The following EPHA6 variants were observed in gnomAD, a reference collection of about 807,000 sequenced individuals.
The protein encoded by EPHA6 is ephrin type-A receptor 6.
EPHA6 carries 50 observed loss-of-function variants against 112.0 expected under a neutral mutation model. That is an observed-to-expected ratio of 0.45 (90% confidence interval 0.36 to 0.56). EPHA6 has a LOEUF of 0.56. Ranked by LOEUF, EPHA6 falls within the 20% of genes least tolerant of loss-of-function variation. The probability of loss-of-function intolerance (pLI) is 0.00; values close to 1 mark genes in which losing one functional copy is unlikely to be tolerated. For missense variants in EPHA6, 1,280 were observed against 1,417.4 expected, an observed-to-expected ratio of 0.90 and a Z score of 1.56; for synonymous variants, 529 against 490.7, an observed-to-expected ratio of 1.08 and a Z score of -1.03.
intron 2 of EPHA6, among the ~76,000 whole-genome samples, chr3:96,936,424 A>G (rs2040584547): frequency 6.6e-6 from 1 of 152,050 alleles, no homozygotes; most frequent in African/African-American, 2.4e-5. Flanking sequence ...TGAATCCATT[A>G]TAATGATAGA....
Position 97,754,762 on chromosome 3 carries a change from G to A in EPHA6, c.*6061G>A, listed in dbSNP as rs1030054885. ...TCTGTCGCCTAGGCTGGAGTGCAGT[G>A]GCGAGATCTCGGCTCACTGCTAACT... On this transcript the variant is annotated 3_prime_UTR_variant, in exon 18 of 18. Transcript: ENST00000389672. 7.2e-5 allele frequency among the ~76,000 whole-genome samples: 11 copies of A among 152,132 alleles called. No individual in the cohort carries two copies. Among genetic ancestry groups the A allele is most frequent in the African/African-American group, 2.7e-4 (11 of 41,420 alleles).
chr3:97,540,151 A>G (rs1321191850), intron 11 of EPHA6, among the ~76,000 whole-genome samples: 2 of 152,214 alleles, frequency 1.3e-5, no homozygotes, highest in Non-Finnish European at 2.9e-5. Context: ...CAAAAAATAA[A>G]TGGTGATTTA....
intron 4 of EPHA6, among the ~76,000 whole-genome samples, chr3:97,228,711 C>A (rs983132029): frequency 6.6e-6 from 1 of 152,036 alleles, no homozygotes; most frequent in Non-Finnish European, 1.5e-5. Context: ...ATAATGACAT[C>A]TTTTCCTCTG....
At position 97,330,943 on chromosome 3, in the gene EPHA6, A is replaced by G. The variant is rs192800724; in HGVS notation, c.1607-74207A>G. 3.3e-5 allele frequency among the ~76,000 whole-genome samples: 5 copies of G among 152,236 alleles called. No homozygotes were observed. The East Asian group carries it at 9.7e-4, about 29-fold the overall frequency. ...TCCACCCCAAATCAACAGAATATAC[A>G]TTCTTTTCAGCACCACACCACACCT... On this transcript the variant is annotated intron_variant, in intron 5 of 17. Coordinates refer to ENST00000389672, the MANE Select transcript of EPHA6 (RefSeq NM_001080448.3).
At chr3:96,990,608 A>G (rs2043179094) in intron 3 of EPHA6, among the ~76,000 whole-genome samples, 1 of 152,176 alleles carries the variant, frequency 6.6e-6, no homozygotes, top group Non-Finnish European at 1.5e-5. Context: ...TTCTAATTAA[A>G]TATAATGAAT....
intron 3 of EPHA6, among the ~76,000 whole-genome samples, chr3:97,018,807 G>C (rs1176032678): frequency 6.6e-6 from 1 of 152,084 alleles, no homozygotes; most frequent in Non-Finnish European, 1.5e-5. Flanking sequence ...AACTCCCCTG[G>C]GGAAAGGGAG....
intron 13 of EPHA6, among the ~76,000 whole-genome samples, chr3:97,614,513 T>TA (rs2093748552): frequency 9.8e-6 from 1 of 102,284 alleles, no homozygotes; most frequent in African/African-American, 5.5e-5. Context: ...TTTTTTTTTT[T>TA]TTTTTTTTTT....
At chr3:97,148,395 C>G (rs987943466) in intron 3 of EPHA6, among the ~76,000 whole-genome samples, 1 of 152,014 alleles carries the variant, frequency 6.6e-6, no homozygotes, top group Non-Finnish European at 1.5e-5. Flanking sequence ...ATCATTAAGC[C>G]CGGGAATTCA....
intron 11 of EPHA6, among the ~76,000 whole-genome samples, chr3:97,557,630 C>T (rs2093130264): frequency 1.3e-5 from 2 of 151,904 alleles, no homozygotes; most frequent in African/African-American, 4.8e-5. Context: ...TTCTCCACTT[C>T]AGGGTAGTTT....
rs1394289298 is a variant in EPHA6 at position 96,821,421 on chromosome 3, TATTTC to T, written c.385+6418_385+6422del. Among the ~76,000 whole-genome samples the T allele has an allele frequency of 3.3e-5, 5 of 152,060 alleles. No individual in the cohort carries two copies. The East Asian group carries it at 9.6e-4, about 29-fold the overall frequency. On this transcript the variant is annotated intron_variant, in intron 1 of 17. Coordinates refer to ENST00000389672, the MANE Select transcript of EPHA6 (RefSeq NM_001080448.3). ...TTCTGGAAAATACTATTTTTATAGT[TATTTC>T]ATTTAAATAAACTATATAACTTCTT...
At chr3:96,940,078 C>G (rs910997120) in intron 2 of EPHA6, among the ~76,000 whole-genome samples, 1 of 152,140 alleles carries the variant, frequency 6.6e-6, no homozygotes, top group South Asian at 2.1e-4. Flanking sequence ...AATGTATATT[C>G]TGTTGATCTG....
At chr3:97,284,301 G>T (rs184700699) in intron 5 of EPHA6, among the ~76,000 whole-genome samples, 1 of 152,064 alleles carries the variant, frequency 6.6e-6, no homozygotes, top group Non-Finnish European at 1.5e-5. Context: ...ATTACTGGAA[G>T]TTTCATTTTA....
chr3:97,372,853 T>A (rs2085139331), intron 5 of EPHA6, among the ~76,000 whole-genome samples: 1 of 152,102 alleles, frequency 6.6e-6, no homozygotes, highest in Admixed American at 6.6e-5. Context: ...AGGTAAATGG[T>A]TAATTTGGGA....
At position 97,226,318 on chromosome 3, in the gene EPHA6, G is replaced by T. The variant is rs1337057331; in HGVS notation, c.1169G>T (p.Cys390Phe). Reference protein sequence around the residue: ...AFAGNTKCSKCPPHSLTYMEA... With the variant: ...AFAGNTKCSKFPPHSLTYMEA... ...GCTGGGAACACAAAATGTTCTAAAT[G>T]TCCTCCACACAGTTTAACATACATG... Residue 390 changes from cysteine to phenylalanine, a missense_variant, in exon 4 of 18, where the codon TGT (cysteine) becomes TTT (phenylalanine). By Grantham distance (205) the Cys-to-Phe change is radical. Coordinates refer to ENST00000389672, the MANE Select transcript of EPHA6 (RefSeq NM_001080448.3). 1 of 1,613,004 alleles carries T rather than the reference G, an allele frequency of 6.2e-7. No homozygotes were observed.
At chr3:97,307,979 AC>A (rs2081389736) in intron 5 of EPHA6, among the ~76,000 whole-genome samples, 1 of 151,066 alleles carries the variant, frequency 6.6e-6, no homozygotes, top group Non-Finnish European at 1.5e-5. Context: ...TCTCCCATCA[AC>A]CTTTTTTTTT....
At chr3:97,404,195 A>G (rs903476830) in intron 5 of EPHA6, among the ~76,000 whole-genome samples, 26 of 152,294 alleles carry the variant, frequency 1.7e-4, no homozygotes, top group African/African-American at 6.3e-4. Flanking sequence ...GTATAAATAA[A>G]TACATAATTT....
At chr3:97,372,216 C>T (rs202125667) in intron 5 of EPHA6, among the ~76,000 whole-genome samples, 6 of 152,180 alleles carry the variant, frequency 3.9e-5, no homozygotes, top group South Asian at 2.1e-4. Context: ...ATGTCTCCCC[C>T]GGACACCCAG....
At chr3:97,055,846 A>G (rs1013301896) in intron 3 of EPHA6, among the ~76,000 whole-genome samples, 12 of 152,192 alleles carry the variant, frequency 7.9e-5, no homozygotes, top group Admixed American at 7.9e-4. Flanking sequence ...TACCTAAAAA[A>G]TATAGCAAAG....
chr3:97,037,420 A>G (rs765724622), intron 3 of EPHA6, among the ~76,000 whole-genome samples: 2 of 152,066 alleles, frequency 1.3e-5, no homozygotes, highest in Admixed American at 6.6e-5. Flanking sequence ...ATAAAGTACA[A>G]CAGCAGAGAG....
Sources: gnomAD v4.1 joint callset for allele counts (sites outside exome capture counted in the v4.1 genomes callset) on GRCh38, gnomAD v4.1.1 for gene constraint, MANE v1.5 for transcripts, NCBI Gene and HGNC (gene_info 2026-07-23, HGNC 2026-07-21) for gene names.